The following KMT2B variants were observed in gnomAD, a reference collection of about 807,000 sequenced individuals.
KMT2B encodes histone-lysine N-methyltransferase 2B.
KMT2B carries 22 observed loss-of-function variants against 255.3 expected under a neutral mutation model. The observed-to-expected ratio is 0.09, with a 90% CI of 0.06 to 0.12. KMT2B has a LOEUF of 0.12. KMT2B is among the 10% of genes least tolerant of loss of function. The pLI, the probability that KMT2B is intolerant of heterozygous loss-of-function variation, is 1.00. For missense variants in KMT2B, 3,149 were observed against 3,737.0 expected (o/e 0.84, Z 4.10); for synonymous variants, 1,730 against 1,498.1 (o/e 1.15, Z -3.57).
Position 35,738,623 on chromosome 19 carries a change from C to G in KMT2B, c.*66C>G. On this transcript the variant is annotated 3_prime_UTR_variant, in exon 37 of 37. Transcript: ENST00000420124. The surrounding 1 kb of genome is among the most constrained non-coding windows in gnomAD (Gnocchi z 8.7). The stretch of plus-strand genomic sequence containing the variant: ...CCGTCGCTGCCATCTTGCCCCTAGC[C>G]TGGGGGCTCCCTAGCCCCTCCCAGA... 2.0e-6 allele frequency: 3 copies of G among 1,533,992 alleles called. No homozygotes were observed. Among genetic ancestry groups the G allele is most frequent in the South Asian group, 1.2e-5 (1 of 80,642 alleles).
intron 26 of KMT2B, among the ~76,000 whole-genome samples, chr19:35,731,074 C>T (rs552562468): frequency 2.3e-4 from 35 of 152,208 alleles, no homozygotes; most frequent in African/African-American, 3.4e-4. Context: ...GAGAGCGGCA[C>T]GCTGCCTACT....
intron 8 of KMT2B, 26 bp downstream of exon 8, chr19:35,724,033 G>A (rs2146446866): frequency 6.5e-7 from 1 of 1,545,580 alleles, no homozygotes; most frequent in Non-Finnish European, 8.7e-7. Context: ...TGCTTTCTCT[G>A]TTGATCATTT....
chr19:35,719,353 TA>T, intron 1 of KMT2B, 115 bp from the exon 2 acceptor site: 1 of 745,552 alleles, frequency 1.3e-6, no homozygotes, highest in African/African-American at 1.8e-5. Flanking sequence ...TCGTTCTTTT[TA>T]AATAGGCAGG....
At chr19:35,736,562 T>G in intron 30 of KMT2B, 128 bp from the exon 31 acceptor site, 1 of 1,112,592 alleles carries the variant, frequency 9.0e-7, no homozygotes. Context: ...AGGAGGGCCA[T>G]TAGACCCTAG....
At position 35,733,639 on chromosome 19, in the gene KMT2B, C is replaced by T. The variant is rs1969811242; in HGVS notation, c.7002C>T (p.Val2334=). The stretch of plus-strand genomic sequence containing the variant: ...TGAAAACCCCCACAGTGCGTGGGGT[C>T]CTTGACCTGGATCGGCCTGGGGAGC... ...VRMKTPTVRG[V]LDLDRPGEPA... is the part of the protein sequence containing the mutation. Residue 2334 remains valine, a synonymous_variant, in exon 29 of 37, where the codon GTC becomes GTT. Transcript: ENST00000420124. The surrounding 1 kb of genome is among the most constrained non-coding windows in gnomAD (Gnocchi z 4.3). The T allele has an allele frequency of 6.3e-7, 1 of 1,597,554 alleles. No homozygotes were observed. The highest frequency in any genetic ancestry group is 1.3e-5 in the African/African-American group (1 of 74,582).
Position 35,725,726 on chromosome 19 carries a change from C to T in KMT2B, c.3793C>T (p.Leu1265Phe). ...CGRKGRGSKH[L>F]LECERCRHAY... ...TCTCTGTCTCCACATCCAACAGCACCTCCTGGAGTGCGAGCGCTGCCGCCA... is the reference window on the plus strand; with the variant it reads ...TCTCTGTCTCCACATCCAACAGCACTTCCTGGAGTGCGAGCGCTGCCGCCA... Residue 1265 changes from leucine to phenylalanine, a missense_variant, in exon 13 of 37, where the codon CTC becomes TTC. Physicochemically the swap from Leu to Phe is conservative, Grantham distance 22. Transcript: ENST00000420124. This position sits in a 1 kb window ranked among gnomAD's most constrained non-coding sequence, Gnocchi z 4.1. 4.3e-6 allele frequency: 7 copies of T among 1,611,166 alleles called. No homozygotes were observed. Among genetic ancestry groups the T allele is most frequent in the Non-Finnish European group, 5.9e-6 (7 of 1,178,716 alleles).
At position 35,728,764 on chromosome 19, in the gene KMT2B, C is replaced by T. The variant is rs966432199; in HGVS notation, c.4572-10C>T. ...TGGGCACATCAGCTGCTAACCCTGC[C>T]TGTCCACAGCGGAGTCCTTCCCAAT... On this transcript the variant is annotated splice_polypyrimidine_tract_variant and intron_variant, in intron 19 of 36. Coordinates refer to ENST00000420124, the MANE Select transcript of KMT2B (RefSeq NM_014727.3). 1.2e-6 allele frequency: 2 copies of T among 1,610,502 alleles called. No homozygotes were observed. Among genetic ancestry groups the T allele is most frequent in the South Asian group, 1.1e-5 (1 of 91,016 alleles).
Position 35,738,207 on chromosome 19 carries a change from C to T in KMT2B, c.7872+16C>T. ...CGATGGGAAGGTGGGCTCCCAGTGG[C>T]TGTGGGAAGACAGTGGGTGAAGCGA... is the stretch of plus-strand genomic sequence containing the variant. On this transcript the variant is annotated intron_variant, in intron 36 of 36. Transcript: ENST00000420124. This position sits in a 1 kb window ranked among gnomAD's most constrained non-coding sequence, Gnocchi z 8.7. 6.2e-7 allele frequency: 1 copy of T among 1,613,780 alleles called. No homozygotes were observed. The highest frequency in any genetic ancestry group is 8.5e-7 in the Non-Finnish European group (1 of 1,179,810).
chr19:35,721,210 T>TG lies in KMT2B; in HGVS notation c.1863_1864insG (p.Pro622AlafsTer54). 7 of 810,614 alleles carry TG rather than the reference T, an allele frequency of 8.6e-6. No homozygotes were observed. The highest frequency in any genetic ancestry group is 9.6e-6 in the Non-Finnish European group (6 of 624,040). 50.2% of individuals were successfully genotyped at this position (810,614 alleles called of 1,614,324 possible). ...CACTGACCCGGGAGCTGCCCCCTCC[T>TG]CCCCCAGCCCCTCCACCTCCCCCGG... On this transcript the variant is annotated frameshift_variant, in exon 3 of 37. Transcript: ENST00000420124. LOFTEE classifies it high-confidence loss of function.
At position 35,725,016 on chromosome 19, in the gene KMT2B, T is replaced by A; in HGVS notation, c.3457T>A (p.Ser1153Thr). Residue 1153 changes from serine to threonine, a missense_variant, in exon 10 of 37, where the codon TCT becomes ACT. Physicochemically the swap from Ser to Thr is moderately conservative, Grantham distance 58. Coordinates refer to ENST00000420124, the MANE Select transcript of KMT2B (RefSeq NM_014727.3). This position sits in a 1 kb window ranked among gnomAD's most constrained non-coding sequence, Gnocchi z 4.1. ...TGCTTTGGCCCCTGGCCCCTTTGCT[T>A]CTTTTCCCAATGGCTGGACTGGAAA... ...KDALAPGPFA[S>T]FPNGWTGKQK... 2.5e-6 allele frequency: 4 copies of A among 1,613,698 alleles called. No homozygotes were observed. Among genetic ancestry groups the A allele is most frequent in the South Asian group, 1.1e-5 (1 of 91,076 alleles).
chr19:35,727,016 A>G lies in KMT2B; in HGVS notation c.4004-140A>G, dbSNP rs561842132. 1.1e-5 allele frequency: 6 copies of G among 537,250 alleles called. No individual in the cohort carries two copies. The highest frequency in any genetic ancestry group is 1.0e-4 in the South Asian group (4 of 39,912). 33.3% of individuals were successfully genotyped at this position (537,250 alleles called of 1,614,324 possible). On this transcript the variant is annotated intron_variant, in intron 14 of 36. Transcript: ENST00000420124. The surrounding 1 kb of genome is among the most constrained non-coding windows in gnomAD (Gnocchi z 4.2). ...AAAAAAAAAAAAAAGCCTCATCCTCAAGGAGCTTTTAGGGACTAGTAGGGG... is the reference window on the plus strand; with the variant it reads ...AAAAAAAAAAAAAAGCCTCATCCTCGAGGAGCTTTTAGGGACTAGTAGGGG...
intron 3 of KMT2B, 24 bp from the exon 4 acceptor site, chr19:35,722,335 C>G (rs556698213): frequency 8.8e-6 from 14 of 1,587,472 alleles, no homozygotes; most frequent in African/African-American, 4.0e-5. Context: ...TGTCCAGCCC[C>G]TGACCCTGTT....
At chr19:35,722,878 G>T in intron 5 of KMT2B, 117 bp from the exon 6 acceptor site, 1 of 1,418,250 alleles carries the variant, frequency 7.1e-7, no homozygotes. Context: ...TCATTTGGGG[G>T]CACCAGGAAC....
In KMT2B at chr19:35,733,170, G is replaced by T. The variant is rs1391327810; in HGVS notation, c.6621G>T (p.Glu2207Asp). The change falls in exon 28 of 37, where the codon GAG becomes GAT. Residue 2207 changes from glutamate (E) to aspartate (D), a missense_variant. Coordinates refer to ENST00000420124, the MANE Select transcript of KMT2B (RefSeq NM_014727.3). This position sits in a 1 kb window ranked among gnomAD's most constrained non-coding sequence, Gnocchi z 4.3. ...LGQVFVKMAGEGEPVPPPVKQ... is the reference protein window; with the variant it reads ...LGQVFVKMAGDGEPVPPPVKQ... Reference sequence around the variant, plus strand: ...AAGTATTTGTGAAGATGGCTGGGGAGGGTGAACCTGTCCCACCCCCAGTGA... The same window carrying T: ...AAGTATTTGTGAAGATGGCTGGGGATGGTGAACCTGTCCCACCCCCAGTGA... 6.4e-6 allele frequency: 10 copies of T among 1,567,446 alleles called. No homozygotes were observed. The highest frequency in any genetic ancestry group is 7.8e-6 in the Non-Finnish European group (9 of 1,154,688).
rs746054083 is a variant in KMT2B at position 35,733,381 on chromosome 19, G to A, written c.6832G>A (p.Val2278Ile). Residue 2278 changes from valine to isoleucine, a missense_variant, in exon 28 of 37, where the codon GTC (valine) becomes ATC (isoleucine). Val to Ile is a conservative substitution (Grantham distance 29). This residue lies in a region of KMT2B where 897 missense variants were observed against 825.3 expected (regional missense o/e 1.09). Coordinates refer to ENST00000420124, the MANE Select transcript of KMT2B (RefSeq NM_014727.3). The surrounding 1 kb of genome is among the most constrained non-coding windows in gnomAD (Gnocchi z 4.3). ...PASPPRQAIRVKRVSTFSGRS... is the reference protein window; with the variant it reads ...PASPPRQAIRIKRVSTFSGRS... ...CAGCCCGCCCCGCCAGGCCATCCGCGTCAAGAGGGTGTCCACTTTCTCCGG... is the reference window on the plus strand; with the variant it reads ...CAGCCCGCCCCGCCAGGCCATCCGCATCAAGAGGGTGTCCACTTTCTCCGG... 138 of 1,537,352 alleles carry A rather than the reference G, an allele frequency of 9.0e-5. No homozygotes were observed. Among genetic ancestry groups the A allele is most frequent in the African/African-American group, 8.3e-5 (6 of 72,264 alleles).
chr19:35,724,075 C>A, intron 8 of KMT2B, 68 bp downstream of exon 8: 1 of 1,431,912 alleles, frequency 7.0e-7, no homozygotes, highest in Non-Finnish European at 9.4e-7. Flanking sequence ...GTAGGAGGGA[C>A]AAGGCACCCA....
At position 35,728,169 on chromosome 19, in the gene KMT2B, A is replaced by G. The variant is rs1433409156; in HGVS notation, c.4569A>G (p.Pro1523=). 1.9e-6 allele frequency: 3 copies of G among 1,588,366 alleles called. No homozygotes were observed. The highest frequency in any genetic ancestry group is 2.3e-5 in the South Asian group (2 of 86,980). The change falls in exon 19 of 37, where the codon CCA becomes CCG. Residue 1523 remains proline (P), a splice_region_variant and synonymous_variant. Transcript: ENST00000420124. ...ACTGGCGACGGAGTACCCGGCTGCC[A>G]AAGTGAGCAAGGCTGGGTAGCAGAA... is the stretch of plus-strand genomic sequence containing the variant. The part of the protein sequence containing the change: ...PKYWRRSTRL[P]NGVLPNAVLP...
rs773635592 is a variant in KMT2B at position 35,720,958 on chromosome 19, C to T, written c.1611C>T (p.Ser537=). The stretch of plus-strand genomic sequence containing the variant: ...TGCCTGTGGTGAGTGCCCGCTCCTC[C>T]CGTGTCATCAAGACACCCCGGCGAT... ...FIMPVVSARS[S]RVIKTPRRFM... The change falls in exon 3 of 37, where the codon TCC becomes TCT. Residue 537 remains serine, a synonymous_variant. Transcript: ENST00000420124. 7 of 1,612,252 alleles carry T rather than the reference C, an allele frequency of 4.3e-6. No homozygotes were observed. Among genetic ancestry groups the T allele is most frequent in the African/African-American group, 1.3e-5 (1 of 74,726 alleles).
Position 35,730,531 on chromosome 19 carries a change from A to G in KMT2B, c.5198-7A>G. 3 of 1,613,958 alleles carry G rather than the reference A, an allele frequency of 1.9e-6. No individual in the cohort carries two copies. Among genetic ancestry groups the G allele is most frequent in the Non-Finnish European group, 2.5e-6 (3 of 1,179,878 alleles). On this transcript the variant is annotated splice_region_variant and splice_polypyrimidine_tract_variant and intron_variant, in intron 24 of 36. Transcript: ENST00000420124. ...CTGCCTCTCCTGACCTCCGCTTTGC[A>G]CCACAGGTTCCATCCGCATTGACTC...
Sources: allele counts gnomAD v4.1 joint callset (sites outside exome capture counted in the v4.1 genomes callset), GRCh38; gene constraint gnomAD v4.1.1; regional missense constraint gnomAD v4.1.1; non-coding constraint Gnocchi (gnomAD v3.1); transcripts MANE v1.5; gene names NCBI Gene and HGNC (gene_info 2026-07-23, HGNC 2026-07-21).